Variants in PRORP observed in about 807,000 individuals in gnomAD.
PRORP encodes protein only RNase P catalytic subunit, also known as mitochondrial ribonuclease P catalytic subunit.
In PRORP, 51 loss-of-function variants were observed where a neutral mutation model predicts 59.4. The ratio of observed to expected loss-of-function variants is 0.86; its 90% CI spans 0.69 to 1.08. The LOEUF is 1.08. Among genes scored for constraint, PRORP ranks in the 50% least tolerant of loss-of-function variants. The probability of loss-of-function intolerance (pLI) is 0.00; values close to 1 mark genes in which losing one functional copy is unlikely to be tolerated. For synonymous variants in PRORP, 231 were observed against 245.6 expected, an observed-to-expected ratio of 0.94 and a Z score of 0.55; for missense variants, 646 against 690.3, an observed-to-expected ratio of 0.94 and a Z score of 0.72.
chr14:35,210,160 A>T (rs2049401698), intron 5 of PRORP, among the ~76,000 whole-genome samples: 1 of 152,244 alleles, frequency 6.6e-6, no homozygotes, highest in Admixed American at 6.5e-5. Flanking sequence ...GAAAAAAAAG[A>T]ACTTGGTTAA....
chr14:35,260,049 T>C (rs567389105), intron 5 of PRORP, among the ~76,000 whole-genome samples: 125 of 146,816 alleles, frequency 8.5e-4, no homozygotes, highest in Middle Eastern at 3.5e-3. Flanking sequence ...TTTCACTCTG[T>C]TGCGCAGGCT....
chr14:35,194,914 G>A (rs867957213), intron 5 of PRORP, among the ~76,000 whole-genome samples: 5 of 151,986 alleles, frequency 3.3e-5, no homozygotes, highest in African/African-American at 7.2e-5. Flanking sequence ...AAAGAAAATC[G>A]TAAATTGTAA....
chr14:35,160,802 C>G (rs777227873), intron 4 of PRORP, among the ~76,000 whole-genome samples: 5 of 152,186 alleles, frequency 3.3e-5, no homozygotes, highest in Non-Finnish European at 7.3e-5. Context: ...GACATATGCA[C>G]ATTGTAAAGC....
Position 35,266,771 on chromosome 14 carries a change from G to A in PRORP, c.1320G>A (p.Leu440=), listed in dbSNP as rs751760498. Reference sequence around the variant, plus strand: ...AACTAGCCAAACGGAATCTGCGACTGCTGGTCCTAGGCCGGAAGCACATGC... The same window carrying A: ...AACTAGCCAAACGGAATCTGCGACTACTGGTCCTAGGCCGGAAGCACATGC... ...VSQLAKRNLR[L]LVLGRKHMLR... is the part of the protein sequence containing the mutation. Residue 440 remains leucine, a synonymous_variant, in exon 6 of 8, where the codon CTG becomes CTA. Transcript: ENST00000534898. 1.2e-6 allele frequency: 2 copies of A among 1,614,040 alleles called. No homozygotes were observed. Among genetic ancestry groups the A allele is most frequent in the Non-Finnish European group, 1.7e-6 (2 of 1,180,036 alleles).
chr14:35,262,289 G>T (rs142780100), intron 5 of PRORP, among the ~76,000 whole-genome samples: 19 of 152,214 alleles, frequency 1.2e-4, no homozygotes, highest in African/African-American at 3.9e-4. Context: ...TGGGATTACA[G>T]GCCTGAGCCA....
At chr14:35,150,408 C>T (rs28397987) in intron 4 of PRORP, among the ~76,000 whole-genome samples, 61,568 of 151,974 alleles carry the variant, frequency 0.41, 12,695 homozygotes, top group African/African-American at 0.48. Context: ...TACAGCAGCA[C>T]GGTTTCTGGT....
chr14:35,167,083 T>C (rs911762809), intron 4 of PRORP, among the ~76,000 whole-genome samples: 8 of 152,222 alleles, frequency 5.3e-5, no homozygotes, highest in African/African-American at 1.7e-4. Context: ...TGTCATGTGC[T>C]TGTCTTATCT....
intron 4 of PRORP, among the ~76,000 whole-genome samples, chr14:35,147,964 G>A (rs985558311): frequency 1.3e-5 from 2 of 152,214 alleles, no homozygotes; most frequent in African/African-American, 2.4e-5. Flanking sequence ...AAGCAATTCA[G>A]TCACATCTTC....
intron 5 of PRORP, among the ~76,000 whole-genome samples, chr14:35,224,458 C>T (rs1228771151): frequency 2.0e-5 from 3 of 152,124 alleles, no homozygotes; most frequent in Non-Finnish European, 2.9e-5. Flanking sequence ...TCCCATTTTA[C>T]TAATGGATGA....
At chr14:35,240,294 CTTT>C (rs3058452) in intron 5 of PRORP, among the ~76,000 whole-genome samples, 2 of 109,426 alleles carry the variant, frequency 1.8e-5, no homozygotes, top group African/African-American at 7.1e-5. Flanking sequence ...TTTAAACCAT[CTTT>C]TTTTTTTTTT....
At chr14:35,241,149 G>A (rs1345845077) in intron 5 of PRORP, among the ~76,000 whole-genome samples, 4 of 152,122 alleles carry the variant, frequency 2.6e-5, no homozygotes, top group Non-Finnish European at 4.4e-5. Flanking sequence ...AGGCCAAGGC[G>A]GGAGCATCAC....
intron 5 of PRORP, among the ~76,000 whole-genome samples, chr14:35,239,662 C>T (rs1484931084): frequency 2.6e-5 from 4 of 152,214 alleles, no homozygotes; most frequent in African/African-American, 7.2e-5. Context: ...GCATTTCAGA[C>T]GTTGCCTGCA....
chr14:35,122,239 G>C, upstream of PRORP: 1 of 447,842 alleles, frequency 2.2e-6, no homozygotes. Flanking sequence ...GATTTTAAAG[G>C]CCACGATAAG....
At chr14:35,264,846 C>T (rs1486016602) in intron 5 of PRORP, among the ~76,000 whole-genome samples, 10 of 152,166 alleles carry the variant, frequency 6.6e-5, no homozygotes, top group East Asian at 3.9e-4. Flanking sequence ...GGCATGATGG[C>T]GTGTGCCTGT....
intron 4 of PRORP, among the ~76,000 whole-genome samples, chr14:35,131,897 T>C (rs906210732): frequency 2.6e-5 from 4 of 151,690 alleles, no homozygotes; most frequent in African/African-American, 9.7e-5. Context: ...TGGAGTGCAG[T>C]GGTGCTATTT....
chr14:35,199,615 T>C (rs10135636), intron 5 of PRORP, among the ~76,000 whole-genome samples: 25,305 of 152,088 alleles, frequency 0.17, 2,701 homozygotes, highest in African/African-American at 0.3. Context: ...AGACCCAAGG[T>C]CTTCACCAGA....
In PRORP at chr14:35,133,169, T is replaced by G. The variant is rs192612784; in HGVS notation, c.1167+5558T>G. 2.8e-3 allele frequency among the ~76,000 whole-genome samples: 427 copies of G among 152,232 alleles called. 3 individuals carry two copies. The highest frequency in any genetic ancestry group is 0.01 in the African/African-American group (419 of 41,554). On this transcript the variant is annotated intron_variant, in intron 4 of 7. Coordinates refer to ENST00000534898, the MANE Select transcript of PRORP (RefSeq NM_014672.4). Reference sequence around the variant, plus strand: ...ACTCCTGACCTCATGATCTGCCCACTTGGCCTCCCAAAGTGATGGGATTAC... The same window carrying G: ...ACTCCTGACCTCATGATCTGCCCACGTGGCCTCCCAAAGTGATGGGATTAC...
chr14:35,234,842 C>T (rs1014994369), intron 5 of PRORP, among the ~76,000 whole-genome samples: 1 of 151,784 alleles, frequency 6.6e-6, no homozygotes, highest in Non-Finnish European at 1.5e-5. Context: ...CCATGCCCAA[C>T]TAATTTTTTT....
intron 4 of PRORP, among the ~76,000 whole-genome samples, chr14:35,133,576 A>T (rs1371916089): frequency 6.6e-6 from 1 of 152,092 alleles, no homozygotes; most frequent in East Asian, 1.9e-4. Flanking sequence ...ATGTCTGGGC[A>T]TTGAAGAGTT....
Sources: allele counts gnomAD v4.1 joint callset (sites outside exome capture counted in the v4.1 genomes callset), GRCh38; gene constraint gnomAD v4.1.1; transcripts MANE v1.5; gene names NCBI Gene and HGNC (gene_info 2026-07-23, HGNC 2026-07-21).